Variants in SH3RF1 observed in about 807,000 individuals in gnomAD.
The protein encoded by SH3RF1 is E3 ubiquitin-protein ligase SH3RF1.
In SH3RF1, 32 loss-of-function variants were observed where a neutral mutation model predicts 74.0. That is an observed-to-expected ratio of 0.43 (90% CI 0.33 to 0.58). The LOEUF (loss-of-function observed/expected upper bound fraction) is 0.58. SH3RF1 is among the 20% of genes least tolerant of loss of function. The pLI is 0.05. For missense variants in SH3RF1, 954 were observed against 1,130.9 expected (o/e 0.84, Z 2.24); for synonymous variants, 396 against 439.6 (o/e 0.90, Z 1.24).
intron 2 of SH3RF1, among the ~76,000 whole-genome samples, chr4:169,224,775 G>A (rs1730629489): frequency 6.6e-6 from 1 of 152,226 alleles, no homozygotes; most frequent in African/African-American, 2.4e-5. Context: ...GTAATAAGAT[G>A]AGGGAGATCT....
intron 2 of SH3RF1, among the ~76,000 whole-genome samples, chr4:169,247,757 G>T (rs984463971): frequency 6.6e-6 from 1 of 151,886 alleles, no homozygotes; most frequent in Non-Finnish European, 1.5e-5. Context: ...ATAGGAAAAG[G>T]GCTAATATCC....
At chr4:169,206,261 CAT>C (rs112291274) in intron 2 of SH3RF1, among the ~76,000 whole-genome samples, 20 of 152,350 alleles carry the variant, frequency 1.3e-4, no homozygotes, top group African/African-American at 3.8e-4. Flanking sequence ...GCATGCCACA[CAT>C]GATTCAATCT....
At chr4:169,101,378 T>C (rs1733029053) in intron 11 of SH3RF1, among the ~76,000 whole-genome samples, 1 of 152,168 alleles carries the variant, frequency 6.6e-6, no homozygotes, top group Non-Finnish European at 1.5e-5. Context: ...GGAAGACTAT[T>C]GCATGATTCC....
At chr4:169,158,993 A>G (rs1247970476) in intron 2 of SH3RF1, among the ~76,000 whole-genome samples, 2 of 152,196 alleles carry the variant, frequency 1.3e-5, no homozygotes, top group Admixed American at 6.5e-5. Flanking sequence ...TGAGAGGCCA[A>G]TGTCCTGGGA....
chr4:169,133,485 A>G (rs977517550), intron 5 of SH3RF1, among the ~76,000 whole-genome samples: 1 of 150,596 alleles, frequency 6.6e-6, no homozygotes, highest in Non-Finnish European at 1.5e-5. Flanking sequence ...CAAAAAAAGA[A>G]AAAAAAAAGA....
At chr4:169,231,204 T>G (rs994436714) in intron 2 of SH3RF1, among the ~76,000 whole-genome samples, 1 of 152,228 alleles carries the variant, frequency 6.6e-6, no homozygotes, top group Non-Finnish European at 1.5e-5. Context: ...GGCCCATTAT[T>G]ACATTATTGT....
In SH3RF1 at chr4:169,156,030, C is replaced by T. The variant is rs187365389; in HGVS notation, c.669+374G>A. 1.9e-3 allele frequency among the ~76,000 whole-genome samples: 296 copies of T among 152,280 alleles called. 3 individuals are homozygous for T. Among genetic ancestry groups the T allele is most frequent in the African/African-American group, 7.0e-3 (289 of 41,558 alleles). On this transcript the variant is annotated intron_variant, in intron 3 of 11. Coordinates refer to ENST00000284637, the MANE Select transcript of SH3RF1 (RefSeq NM_020870.4). Reference sequence around the variant, plus strand: ...AATTCGGCAGATATATTCCTGTATGCTTTTAGGCAAAGAATTTTACATATA... The same window carrying T: ...AATTCGGCAGATATATTCCTGTATGTTTTTAGGCAAAGAATTTTACATATA...
chr4:169,125,465 C>T (rs1403681069), intron 6 of SH3RF1, among the ~76,000 whole-genome samples: 1 of 151,784 alleles, frequency 6.6e-6, no homozygotes, highest in Non-Finnish European at 1.5e-5. Flanking sequence ...TAGGATCTGG[C>T]TAAAGAGAGG....
At chr4:169,234,663 C>T (rs1730798222) in intron 2 of SH3RF1, among the ~76,000 whole-genome samples, 1 of 152,202 alleles carries the variant, frequency 6.6e-6, no homozygotes, top group Admixed American at 6.5e-5. Flanking sequence ...TTTGGAAACA[C>T]CCTCATACCA....
At chr4:169,102,618 A>C (rs534803649) in intron 11 of SH3RF1, among the ~76,000 whole-genome samples, 1 of 151,638 alleles carries the variant, frequency 6.6e-6, no homozygotes, top group African/African-American at 2.4e-5. Flanking sequence ...GCAATTTCCT[A>C]ATTATTTTTT....
At chr4:169,266,054 G>A (rs1731348021) in intron 2 of SH3RF1, among the ~76,000 whole-genome samples, 1 of 152,076 alleles carries the variant, frequency 6.6e-6, no homozygotes, top group African/African-American at 2.4e-5. Flanking sequence ...AAAACCAACA[G>A]GAATTCTTTA....
chr4:169,186,994 C>T (rs1266881229), intron 2 of SH3RF1, among the ~76,000 whole-genome samples: 1 of 135,998 alleles, frequency 7.4e-6, no homozygotes, highest in African/African-American at 2.7e-5. Flanking sequence ...AGCCTGGGGA[C>T]AGAGCGAGGC....
In SH3RF1 at chr4:169,150,832, A is replaced by G. The variant is rs143089684; in HGVS notation, c.765+4648T>C. ...TTTAAGAAATAAATAACCAGTAGAG[A>G]TTACAAGATCTAAGCCATAGAGTAT... is the stretch of plus-strand genomic sequence containing the variant. On this transcript the variant is annotated intron_variant, in intron 4 of 11. Transcript: ENST00000284637. 2.4e-3 allele frequency among the ~76,000 whole-genome samples: 364 copies of G among 152,300 alleles called. 4 individuals carry two copies. Among genetic ancestry groups the G allele is most frequent in the African/African-American group, 8.5e-3 (352 of 41,566 alleles).
intron 2 of SH3RF1, chr4:169,203,901 A>G (rs1233731888): frequency 6.6e-6 from 1 of 152,226 alleles, no homozygotes. Flanking sequence ...GTCTGGTTGC[A>G]CTACTAATTA....
intron 4 of SH3RF1, among the ~76,000 whole-genome samples, chr4:169,145,226 A>T (rs10003933): frequency 0.2 from 30,137 of 152,124 alleles, 3,123 homozygotes; most frequent in African/African-American, 0.27. Flanking sequence ...ATGTGATATA[A>T]ATGCAACAAA....
chr4:169,153,096 AGTCG>A (rs1383593205), intron 4 of SH3RF1, among the ~76,000 whole-genome samples: 3 of 152,146 alleles, frequency 2.0e-5, no homozygotes, highest in African/African-American at 7.2e-5. Flanking sequence ...CCATTACCTA[AGTCG>A]GCCAGCAGGA....
chr4:169,122,075 A>C (rs749349657), intron 7 of SH3RF1, 25 bp downstream of exon 7: 2 of 1,609,458 alleles, frequency 1.2e-6, no homozygotes, highest in Non-Finnish European at 8.5e-7. Flanking sequence ...ACACATAAGC[A>C]GTAACAGACG....
chr4:169,207,592 G>A (rs2126993935), intron 2 of SH3RF1, among the ~76,000 whole-genome samples: 1 of 152,284 alleles, frequency 6.6e-6, no homozygotes, highest in South Asian at 2.1e-4. Context: ...GCCAAGACTA[G>A]AATTCTGTCC....
chr4:169,112,195 G>T (rs1403217788), intron 10 of SH3RF1, among the ~76,000 whole-genome samples: 1 of 151,974 alleles, frequency 6.6e-6, no homozygotes, highest in Non-Finnish European at 1.5e-5. Flanking sequence ...AATAATGAGG[G>T]CGTTATCAAA....
Sources: allele counts gnomAD v4.1 joint callset (sites outside exome capture counted in the v4.1 genomes callset), GRCh38; gene constraint gnomAD v4.1.1; transcripts MANE v1.5; gene names NCBI Gene and HGNC (gene_info 2026-07-23, HGNC 2026-07-21).